The following VRK3 variants were observed in gnomAD, a reference collection of about 807,000 sequenced individuals.
The protein encoded by VRK3 is serine/threonine-protein kinase VRK3.
VRK3 carries 50 observed loss-of-function variants against 60.4 expected under a neutral mutation model. The observed-to-expected ratio is 0.83, with a 90% confidence interval of 0.66 to 1.05. The LOEUF (loss-of-function observed/expected upper bound fraction) is 1.05, where lower values mean the gene tolerates loss of function less well. Ranked by LOEUF, VRK3 falls within the 50% of genes least tolerant of loss-of-function variation. The pLI, the probability that VRK3 is intolerant of heterozygous loss-of-function variation, is 0.00. For missense variants in VRK3, 549 were observed against 585.3 expected (o/e 0.94, Z 0.64); for synonymous variants, 246 against 227.8 (o/e 1.08, Z -0.72).
chr19:50,016,732 G>A (rs919695405), intron 2 of VRK3, among the ~76,000 whole-genome samples: 1 of 152,178 alleles, frequency 6.6e-6, no homozygotes, highest in African/African-American at 2.4e-5. Context: ...GCTAATTCCT[G>A]ATACTTTTTA....
chr19:49,984,543 C>T (rs1309710138), intron 12 of VRK3, among the ~76,000 whole-genome samples: 1 of 152,246 alleles, frequency 6.6e-6, no homozygotes, highest in Non-Finnish European at 1.5e-5. Flanking sequence ...GACATTGGGG[C>T]TGCGTCTGCC....
intron 5 of VRK3, among the ~76,000 whole-genome samples, chr19:50,007,115 T>C (rs1360892439): frequency 6.6e-6 from 1 of 152,210 alleles, no homozygotes; most frequent in Admixed American, 6.5e-5. Flanking sequence ...GAGACCCCTA[T>C]TATGTAAGCA....
At chr19:49,981,245 CG>C in intron 12 of VRK3, 1 of 562,920 alleles carries the variant, frequency 1.8e-6, no homozygotes, top group South Asian at 2.1e-5. Flanking sequence ...CGATTTTCCC[CG>C]ATCAATACAC....
intron 12 of VRK3, chr19:49,981,717 T>G: frequency 1.0e-6 from 1 of 1,001,434 alleles, no homozygotes; most frequent in African/African-American, 1.7e-5. Context: ...GAAATAAAGA[T>G]TTTATTACTT....
At chr19:49,981,977 G>C in intron 12 of VRK3, 1 of 647,798 alleles carries the variant, frequency 1.5e-6, no homozygotes, top group East Asian at 2.7e-5. Flanking sequence ...TCAGTGGAAT[G>C]TGGGGGCCAG....
intron 3 of VRK3, among the ~76,000 whole-genome samples, chr19:50,015,313 G>GA (rs199498042): frequency 0.01 from 1,554 of 150,674 alleles, 21 homozygotes; most frequent in African/African-American, 0.037. Context: ...GTGGATTTCA[G>GA]ATTTTTTTTT....
At chr19:49,985,204 G>A (rs558802088) in intron 12 of VRK3, among the ~76,000 whole-genome samples, 1 of 152,244 alleles carries the variant, frequency 6.6e-6, no homozygotes, top group East Asian at 1.9e-4. Flanking sequence ...CTCATTCTGT[G>A]ACTCGTTTTC....
At chr19:49,994,285 T>C (rs1436391160) in intron 9 of VRK3, among the ~76,000 whole-genome samples, 1 of 152,156 alleles carries the variant, frequency 6.6e-6, no homozygotes, top group Non-Finnish European at 1.5e-5. Context: ...GACTGTGAGC[T>C]CTAAGACACA....
At chr19:49,995,421 G>C (rs2076685416) in intron 7 of VRK3, 146 bp from the exon 8 acceptor site, 1 of 681,402 alleles carries the variant, frequency 1.5e-6, no homozygotes, top group Non-Finnish European at 2.6e-6. Flanking sequence ...GTGGGTGATG[G>C]TGGGAAGGGG....
At chr19:49,978,942 C>G (rs758603813) in intron 14 of VRK3, 141 bp downstream of exon 14, 1 of 862,318 alleles carries the variant, frequency 1.2e-6, no homozygotes, top group South Asian at 2.1e-5. Flanking sequence ...AAGGACCGTG[C>G]GGAAAAACCC....
In VRK3 at chr19:50,000,821, C is replaced by G. The variant is rs1386299960; in HGVS notation, c.581G>C (p.Gly194Ala). Residue 194 changes from glycine (G) to alanine (A), a missense_variant, in exon 6 of 15, where the codon GGA (glycine) becomes GCA (alanine). Gly to Ala is a moderately conservative substitution (Grantham distance 60). Coordinates refer to ENST00000316763, the MANE Select transcript of VRK3 (RefSeq NM_016440.4). ...APTSTLTCDSGPQKQKFSLKL... is the reference protein window; with the variant it reads ...APTSTLTCDSAPQKQKFSLKL... The stretch of plus-strand genomic sequence containing the variant: ...GAGTGAGAACTTTTGCTTCTGTGGT[C>G]CTGAGTCACAGGTGAGGGTGGAGGT... 3 of 1,613,928 alleles carry G rather than the reference C, an allele frequency of 1.9e-6. No individual in the cohort carries two copies.
intron 12 of VRK3, chr19:49,981,777 C>A (rs1013525336): frequency 9.6e-7 from 1 of 1,040,674 alleles, no homozygotes; most frequent in East Asian, 8.2e-5. Flanking sequence ...CCCCACCCGT[C>A]CCAAGCACAC....
At chr19:49,994,784 G>A (rs765200101) in intron 9 of VRK3, 30 bp downstream of exon 9, 56 of 1,596,184 alleles carry the variant, frequency 3.5e-5, no homozygotes, top group Non-Finnish European at 3.8e-5. Flanking sequence ...CCTCCCTGAC[G>A]CGGCAGCTGA....
intron 2 of VRK3, among the ~76,000 whole-genome samples, chr19:50,016,722 G>T (rs1002846808): frequency 6.6e-6 from 1 of 152,204 alleles, no homozygotes; most frequent in Non-Finnish European, 1.5e-5. Flanking sequence ...ATCTCTCTGA[G>T]CTAATTCCTG....
chr19:50,017,975 G>A (rs10423529), intron 2 of VRK3, among the ~76,000 whole-genome samples: 2,391 of 152,272 alleles, frequency 0.016, 63 homozygotes, highest in African/African-American at 0.055. Flanking sequence ...AGACCATTCT[G>A]ATCAAACCCT....
chr19:50,008,427 G>A (rs2122451259), intron 4 of VRK3, among the ~76,000 whole-genome samples: 1 of 152,242 alleles, frequency 6.6e-6, no homozygotes, highest in African/African-American at 2.4e-5. Flanking sequence ...TCCCCTAAAG[G>A]CAAGTAATGG....
At chr19:49,997,322 C>CG in intron 7 of VRK3, 182 bp downstream of exon 7, 3 of 576,176 alleles carry the variant, frequency 5.2e-6, no homozygotes, top group Non-Finnish European at 9.0e-6. Context: ...TGGTGTGAGC[C>CG]AGTCACAACA....
At chr19:49,984,386 C>T (rs1011349608) in intron 12 of VRK3, among the ~76,000 whole-genome samples, 6 of 152,176 alleles carry the variant, frequency 3.9e-5, no homozygotes, top group African/African-American at 1.4e-4. Flanking sequence ...TCTCTAGAGA[C>T]CAGGTCAGGC....
intron 1 of VRK3, among the ~76,000 whole-genome samples, chr19:50,024,496 A>C (rs2077230961): frequency 6.6e-6 from 1 of 152,198 alleles, no homozygotes; most frequent in African/African-American, 2.4e-5. Flanking sequence ...GGGACTGCAG[A>C]CCTGTAAATA....
Sources: gnomAD v4.1 joint callset for allele counts (sites outside exome capture counted in the v4.1 genomes callset) on GRCh38, gnomAD v4.1.1 for gene constraint, MANE v1.5 for transcripts, NCBI Gene and HGNC (gene_info 2026-07-23, HGNC 2026-07-21) for gene names.